The following PLRG1 variants were observed in gnomAD, a reference collection of about 807,000 sequenced individuals.
PLRG1 encodes the protein pleiotropic regulator 1 (PRL1 homolog, Arabidopsis).
In PLRG1, 28 loss-of-function variants were observed where a neutral mutation model predicts 74.9. The ratio of observed to expected loss-of-function variants is 0.37; its 90% CI spans 0.28 to 0.51. PLRG1 has a LOEUF of 0.51. PLRG1 is among the 20% of genes least tolerant of loss of function. The pLI, the probability that PLRG1 is intolerant of heterozygous loss-of-function variation, is 0.91. For synonymous variants in PLRG1, 197 were observed against 212.4 expected (o/e 0.93, Z 0.63); for missense variants, 445 against 631.9 (o/e 0.70, Z 3.17).
chr4:154,544,074 C>G (rs1365304534), intron 7 of PLRG1: 1 of 173,324 alleles, frequency 5.8e-6, no homozygotes, highest in Non-Finnish European at 1.2e-5. Context: ...CACTCTGAAT[C>G]ATTTTCATTT....
chr4:154,539,872 C>T (rs1560806422), intron 11 of PLRG1, 79 bp downstream of exon 11: 1 of 789,716 alleles, frequency 1.3e-6, no homozygotes, highest in East Asian at 2.5e-5. Flanking sequence ...CAAGAGTCAT[C>T]ATGAATATTA....
intron 1 of PLRG1, 106 bp from the exon 2 acceptor site, chr4:154,549,041 T>C (rs780376199): frequency 2.8e-6 from 2 of 712,462 alleles, no homozygotes; most frequent in Admixed American, 4.1e-5. Context: ...TAAAAAGCTT[T>C]ATACCACTCA....
chr4:154,540,519 A>T lies in PLRG1; in HGVS notation c.939+75T>A, dbSNP rs947902681. 7.8e-6 allele frequency: 7 copies of T among 901,836 alleles called. No individual in the cohort carries two copies. In the African/African-American group the frequency reaches 1.1e-4, roughly 15 times the overall value. The allele number at this position is 901,836 out of a possible 1,614,324, so 55.9% of individuals were successfully genotyped here. ...CTTTAATTCTCTATCAATCAATTGAAGACACTGAAACCGAAAGTGCACCCT... is the reference window on the plus strand; with the variant it reads ...CTTTAATTCTCTATCAATCAATTGATGACACTGAAACCGAAAGTGCACCCT... On this transcript the variant is annotated intron_variant, in intron 10 of 14. Coordinates refer to ENST00000499023, the MANE Select transcript of PLRG1 (RefSeq NM_002669.4).
At chr4:154,549,263 G>C in intron 1 of PLRG1, 1 of 366,440 alleles carries the variant, frequency 2.7e-6, no homozygotes, top group Non-Finnish European at 5.3e-6. Context: ...CTGTGCTCAA[G>C]AGGAAACAGA....
At chr4:154,539,320 A>T in intron 11 of PLRG1, 107 bp from the exon 12 acceptor site, 1 of 696,316 alleles carries the variant, frequency 1.4e-6, no homozygotes, top group South Asian at 1.9e-5. Context: ...TCTAAATGAA[A>T]GTCATATCAC....
chr4:154,547,085 T>A lies in PLRG1; in HGVS notation c.260-21A>T, dbSNP rs748707636. On this transcript the variant is annotated intron_variant, in intron 3 of 14. Transcript: ENST00000499023. ...TTGTCCTAAAAAAACACAAAAAAAA[T>A]CAACAGTAGTGAATTTACCTTATAC... 3 of 1,574,580 alleles carry A rather than the reference T, an allele frequency of 1.9e-6. No individual in the cohort carries two copies. The African/African-American group carries it at 4.0e-5, about 21-fold the overall frequency.
In PLRG1 at chr4:154,544,525, T is replaced by C. The variant is rs535233041; in HGVS notation, c.514A>G (p.Thr172Ala). The change falls in exon 7 of 15, where the codon ACC becomes GCC. Residue 172 changes from threonine (T) to alanine (A), a missense_variant. Physicochemically the swap from Thr to Ala is moderately conservative, Grantham distance 58. Around this residue, in one of 3 missense-constraint regions of PLRG1, gnomAD observed 206 missense variants for 210.8 expected, o/e 0.98. Coordinates refer to ENST00000499023, the MANE Select transcript of PLRG1 (RefSeq NM_002669.4). ...TTAGCCATCAGTGCAGAGTTCTTGGTATTGCCAGTCTCCATGACAATCTAG... is the reference window on the plus strand; with the variant it reads ...TTAGCCATCAGTGCAGAGTTCTTGGCATTGCCAGTCTCCATGACAATCTAG... The part of the protein sequence containing the change: ...MNSIVMETGN[T>A]KNSALMAKKA... 6.2e-7 allele frequency: 1 copy of C among 1,607,904 alleles called. No individual in the cohort carries two copies. Among genetic ancestry groups the C allele is most frequent in the Admixed American group, 1.7e-5 (1 of 59,976 alleles).
intron 3 of PLRG1, among the ~76,000 whole-genome samples, 178 bp from the exon 4 acceptor site, chr4:154,547,242 T>C (rs940309485): frequency 1.3e-5 from 2 of 152,190 alleles, no homozygotes; most frequent in African/African-American, 2.4e-5. Context: ...CTGTAAACCA[T>C]GTCCTTGACC....
rs1206216027 is a variant in PLRG1 at position 154,536,162 on chromosome 4, G to A, written c.*523C>T. On this transcript the variant is annotated 3_prime_UTR_variant, in exon 15 of 15. Transcript: ENST00000499023. ...AGCTACCAAACTGGAAGTCTTAGAG[G>A]ATAGACACATCTTACTTGTCTATTT... 6.5e-6 allele frequency: 1 copy of A among 154,048 alleles called. No individual in the cohort carries two copies. The highest frequency in any genetic ancestry group is 6.6e-5 in the Admixed American group (1 of 15,228). 9.5% of individuals were successfully genotyped at this position (154,048 alleles called of 1,614,324 possible).
Position 154,543,434 on chromosome 4 carries a change from C to A in PLRG1, c.594+1011G>T, listed in dbSNP as rs577590549. Among the ~76,000 whole-genome samples the A allele has an allele frequency of 6.6e-5, 10 of 152,166 alleles. 1 individual carries two copies. Among genetic ancestry groups the A allele is most frequent in the Admixed American group, 5.9e-4 (9 of 15,290 alleles). ...AAAGCACTGGGATTATAGGCATGAG[C>A]CACCATGCCTGGCCTACACACTGTA... On this transcript the variant is annotated intron_variant, in intron 7 of 14. Transcript: ENST00000499023.
Position 154,538,027 on chromosome 4 carries a change from A to T in PLRG1, c.1233T>A (p.Gly411=). 1 of 1,559,616 alleles carries T rather than the reference A, an allele frequency of 6.4e-7. No individual in the cohort carries two copies. Among genetic ancestry groups the T allele is most frequent in the South Asian group, 1.2e-5 (1 of 82,810 alleles). The change falls in exon 13 of 15, where the codon GGT becomes GGA. Residue 411 remains glycine, a synonymous_variant. Coordinates refer to ENST00000499023, the MANE Select transcript of PLRG1 (RefSeq NM_002669.4). Reference sequence around the variant, plus strand: ...TCAATGTGTTAATAATAGCATTATGACCGGAAAGATTTTGAATGAAACTTC... The same window carrying T: ...TCAATGTGTTAATAATAGCATTATGTCCGGAAAGATTTTGAATGAAACTTC... ...PDGSFIQNLS[G]HNAIINTLTV...
At chr4:154,537,213 G>T in intron 14 of PLRG1, 73 bp downstream of exon 14, 6 of 870,976 alleles carry the variant, frequency 6.9e-6, no homozygotes, top group Admixed American at 5.0e-5. Context: ...TTTTCCTTCT[G>T]ATAATTAAAT....
rs1285560722 is a variant in PLRG1 at position 154,535,836 on chromosome 4, G to A, written c.*849C>T. 6.6e-6 allele frequency: 1 copy of A among 151,966 alleles called. No individual in the cohort carries two copies. The highest frequency in any genetic ancestry group is 1.5e-5 in the Non-Finnish European group (1 of 67,990). The allele number at this position is 151,966 out of a possible 1,614,324, so 9.4% of individuals were successfully genotyped here. On this transcript the variant is annotated 3_prime_UTR_variant, in exon 15 of 15. Coordinates refer to ENST00000499023, the MANE Select transcript of PLRG1 (RefSeq NM_002669.4). Reference sequence around the variant, plus strand: ...CAATACCAGTATTGGTATCCTACTAGTTGAGGAATAAAATCCATACTTATA... The same window carrying A: ...CAATACCAGTATTGGTATCCTACTAATTGAGGAATAAAATCCATACTTATA...
intron 10 of PLRG1, 149 bp downstream of exon 10, chr4:154,540,445 C>G: frequency 1.6e-6 from 1 of 625,074 alleles, no homozygotes. Context: ...GAAAAAAATG[C>G]AAGTTAAGAA....
At position 154,548,643 on chromosome 4, in the gene PLRG1, G is replaced by A. The variant is rs1429739193; in HGVS notation, c.116+186C>T. On this transcript the variant is annotated intron_variant, in intron 2 of 14. Coordinates refer to ENST00000499023, the MANE Select transcript of PLRG1 (RefSeq NM_002669.4). ...TATTTGTAAAATGCAATTAATTAATGGAACTTTTACTGTAAAAGGCCAAAA... is the reference window on the plus strand; with the variant it reads ...TATTTGTAAAATGCAATTAATTAATAGAACTTTTACTGTAAAAGGCCAAAA... Among the ~76,000 whole-genome samples, 5 of 151,926 alleles carry A rather than the reference G, an allele frequency of 3.3e-5. No individual in the cohort carries two copies. In the South Asian group the frequency reaches 1.0e-3, roughly 31 times the overall value.
intron 8 of PLRG1, 86 bp from the exon 9 acceptor site, chr4:154,541,020 C>T: frequency 3.0e-6 from 3 of 1,005,652 alleles, no homozygotes; most frequent in Non-Finnish European, 4.1e-6. Context: ...ACTGAGCTTT[C>T]AAAGACAAAA....
chr4:154,538,160 G>A, intron 12 of PLRG1, 52 bp from the exon 13 acceptor site: 1 of 1,020,382 alleles, frequency 9.8e-7, no homozygotes, highest in South Asian at 2.2e-5. Context: ...GTTAAATAAA[G>A]TGGTGGGTTT....
At chr4:154,542,068 A>T (rs1432605342) in intron 8 of PLRG1, 119 bp downstream of exon 8, 3 of 670,246 alleles carry the variant, frequency 4.5e-6, no homozygotes, top group African/African-American at 3.6e-5. Flanking sequence ...TTTACTCCTT[A>T]TTCAGGTCTA....
At chr4:154,537,265 A>T (rs758020125) in intron 14 of PLRG1, 21 bp downstream of exon 14, 1 of 1,547,806 alleles carries the variant, frequency 6.5e-7, no homozygotes. Context: ...TTACTTAACG[A>T]ATGTGAAACA....
Sources: gnomAD v4.1 joint callset for allele counts (sites outside exome capture counted in the v4.1 genomes callset) on GRCh38, gnomAD v4.1.1 for gene constraint, gnomAD v4.1.1 regional missense constraint, MANE v1.5 for transcripts, NCBI Gene and HGNC (gene_info 2026-07-23, HGNC 2026-07-21) for gene names.